The following HERC1 variants were observed in gnomAD, a reference collection of about 807,000 sequenced individuals.
The protein encoded by HERC1 is HECT and RLD domain containing E3 ubiquitin protein ligase family member 1.
In HERC1, 160 loss-of-function variants were observed where a neutral mutation model predicts 554.3. The observed-to-expected ratio is 0.29, with a 90% CI of 0.25 to 0.33. The LOEUF (loss-of-function observed/expected upper bound fraction) is 0.33, where lower values mean the gene tolerates loss of function less well. HERC1 is among the 10% of genes least tolerant of loss of function. The pLI, the probability that HERC1 is intolerant of heterozygous loss-of-function variation, is 1.00. For missense variants in HERC1, 4,919 were observed against 5,918.5 expected (o/e 0.83, Z 5.54); for synonymous variants, 2,175 against 2,131.7 (o/e 1.02, Z -0.56).
In HERC1 at chr15:63,775,199, T is replaced by C. The variant is rs2142998413; in HGVS notation, c.425A>G (p.Asp142Gly). Residue 142 changes from aspartate (D) to glycine (G), a missense_variant, in exon 2 of 78, where the codon GAT (aspartate) becomes GGT (glycine). Physicochemically the swap from Asp to Gly is moderately conservative, Grantham distance 94 (BLOSUM62 -1). Coordinates refer to ENST00000443617, the MANE Select transcript of HERC1 (RefSeq NM_003922.4). This position sits in a 1 kb window ranked among gnomAD's most constrained non-coding sequence, Gnocchi z 4.0. ...GGGGCGTTCACTAACAGAATGGACA[T>C]CTGCTGAACCAGAACTGCTCTCCGG... is the stretch of plus-strand genomic sequence containing the variant. The part of the protein sequence containing the change: ...HSPESSSGSA[D>G]VHSVSERPRS... 6.2e-7 allele frequency: 1 copy of C among 1,614,044 alleles called. No homozygotes were observed. Among genetic ancestry groups the C allele is most frequent in the Non-Finnish European group, 8.5e-7 (1 of 1,179,892 alleles).
At position 63,706,821 on chromosome 15, in the gene HERC1, C is replaced by T. The variant is rs1157873904; in HGVS notation, c.4595G>A (p.Arg1532Gln). 20 of 1,538,198 alleles carry T rather than the reference C, an allele frequency of 1.3e-5. No individual in the cohort carries two copies. In the East Asian group the frequency reaches 2.0e-4, roughly 15 times the overall value. Reference sequence around the variant, plus strand: ...TGCTGCCAAATCCAAATCAACATTTCGTCTGCCACTCTATTAAAAGTAAAA... The same window carrying T: ...TGCTGCCAAATCCAAATCAACATTTTGTCTGCCACTCTATTAAAAGTAAAA... ...DEEGYALSGR[R>Q]NVDLDLAASH... Residue 1532 changes from arginine to glutamine, a missense_variant, in exon 25 of 78, where the codon CGA becomes CAA. Physicochemically the swap from Arg to Gln is conservative, Grantham distance 43. This residue lies in a region of HERC1 where 1,121 missense variants were observed against 1,244.0 expected (regional missense o/e 0.90). Transcript: ENST00000443617.
At chr15:63,637,780 ATAACTATGCAGTCCCGTAACT>A (rs774325519) in intron 63 of HERC1, 137 bp from the exon 64 acceptor site, 344,442 of 726,158 alleles carry the variant, frequency 0.47, 86,058 homozygotes, top group Non-Finnish European at 0.54. Flanking sequence ...AAGAGTTGAT[ATAACTATGCAGTCCCGTAACT>A]CCTTGATGAC....
chr15:63,774,641 T>C, intron 2 of HERC1, 53 bp downstream of exon 2: 1 of 1,362,654 alleles, frequency 7.3e-7, no homozygotes, highest in Non-Finnish European at 1.0e-6. Context: ...AAAACTGCAT[T>C]GACTTTTCCA....
intron 4 of HERC1, among the ~76,000 whole-genome samples, chr15:63,757,836 A>C (rs1567094350): frequency 6.6e-6 from 1 of 152,082 alleles, no homozygotes; most frequent in Non-Finnish European, 1.5e-5. Context: ...CAGCCTCCCG[A>C]GTAGCTGGGA....
At position 63,678,175 on chromosome 15, in the gene HERC1, C is replaced by G. The variant is rs762539051; in HGVS notation, c.6740G>C (p.Cys2247Ser). ...TAGCTTCTGACCTGACTCTTTAATA[C>G]ATATCTTAATTTTGTGAAGCCTTTC... The part of the protein sequence containing the change: ...MMERLHKIKI[C>S]IKESGQKLKK... The change falls in exon 37 of 78, where the codon TGT (cysteine) becomes TCT (serine). Residue 2247 changes from cysteine to serine, a missense_variant. Transcript: ENST00000443617. 7 of 1,613,078 alleles carry G rather than the reference C, an allele frequency of 4.3e-6. No individual in the cohort carries two copies. The highest frequency in any genetic ancestry group is 1.3e-5 in the African/African-American group (1 of 74,850).
chr15:63,646,577 G>A (rs1224050191), intron 55 of HERC1, among the ~76,000 whole-genome samples: 5 of 151,596 alleles, frequency 3.3e-5, no homozygotes, highest in African/African-American at 1.2e-4. Context: ...CGAGGTGGGC[G>A]GATCATGAAG....
chr15:63,710,050 G>T (rs999214923), intron 24 of HERC1, among the ~76,000 whole-genome samples: 7 of 152,208 alleles, frequency 4.6e-5, no homozygotes, highest in Non-Finnish European at 1.5e-5. Flanking sequence ...TCTGGCAGAT[G>T]AACTACTATG....
In HERC1 at chr15:63,615,850, T is replaced by C. The variant is rs374739089; in HGVS notation, c.14012A>G (p.Asn4671Ser). ...GKMVPIIPGG[N>S]SIPLTFSNRK... ...GTTGGAAAATGTGAGTGGGATACTA[T>C]TTCCACCAGGGATTATAGGAACCAT... The change falls in exon 76 of 78, where the codon AAT (asparagine) becomes AGT (serine). Residue 4671 changes from asparagine to serine, a missense_variant. Physicochemically the swap from Asn to Ser is conservative, Grantham distance 46. Transcript: ENST00000443617. The C allele has an allele frequency of 6.2e-6, 10 of 1,607,572 alleles. No homozygotes were observed. The highest frequency in any genetic ancestry group is 7.6e-6 in the Non-Finnish European group (9 of 1,177,454).
chr15:63,728,846 CTG>C (rs1336259330), intron 16 of HERC1, among the ~76,000 whole-genome samples: 2 of 149,682 alleles, frequency 1.3e-5, no homozygotes, highest in Non-Finnish European at 3.0e-5. Flanking sequence ...GAAAAAAGGA[CTG>C]TGACTACACA....
Position 63,660,330 on chromosome 15 carries a change from A to G in HERC1, c.9224-394T>C, listed in dbSNP as rs556407939. Among the ~76,000 whole-genome samples, 171 of 150,388 alleles carry G rather than the reference A, an allele frequency of 1.1e-3. 1 individual carries two copies. Among genetic ancestry groups the G allele is most frequent in the African/African-American group, 4.2e-3 (169 of 40,570 alleles). ...GTGAGACTCCATCTCAAAGAAATAA[A>G]AACAATAAATAAATAAATAAATACA... On this transcript the variant is annotated intron_variant, in intron 46 of 77. Coordinates refer to ENST00000443617, the MANE Select transcript of HERC1 (RefSeq NM_003922.4).
At chr15:63,620,431 G>A (rs918344591) in intron 74 of HERC1, among the ~76,000 whole-genome samples, 5 of 151,938 alleles carry the variant, frequency 3.3e-5, no homozygotes, top group Admixed American at 2.0e-4. Flanking sequence ...GTCAATTTTG[G>A]AATAGGTGTG....
chr15:63,774,846 A>C lies in HERC1; in HGVS notation c.778T>G (p.Ser260Ala). 6.2e-7 allele frequency: 1 copy of C among 1,614,022 alleles called. No homozygotes were observed. The highest frequency in any genetic ancestry group is 8.5e-7 in the Non-Finnish European group (1 of 1,179,896). Reference sequence around the variant, plus strand: ...ATCCATTCAAGAAGATATCGCAATGAGCCTCGTTGAGCTGCCAAACCAAGC... The same window carrying C: ...ATCCATTCAAGAAGATATCGCAATGCGCCTCGTTGAGCTGCCAAACCAAGC... ...LLLGLAAQRGSLRYLLEWIEM... is the reference protein window; with the variant it reads ...LLLGLAAQRGALRYLLEWIEM... Residue 260 changes from serine to alanine, a missense_variant, in exon 2 of 78, where the codon TCA (serine) becomes GCA (alanine). Physicochemically the swap from Ser to Ala is moderately conservative, Grantham distance 99. This residue lies in a region of HERC1 where 744 missense variants were observed against 1,090.0 expected (regional missense o/e 0.68). Transcript: ENST00000443617.
intron 74 of HERC1, among the ~76,000 whole-genome samples, chr15:63,620,100 C>T (rs971383620): frequency 2.0e-5 from 3 of 151,640 alleles, no homozygotes; most frequent in Admixed American, 2.0e-4. Context: ...TGTCAATTTT[C>T]GATCTTTCCT....
chr15:63,791,627 A>G (rs541139820), intron 1 of HERC1, among the ~76,000 whole-genome samples: 37 of 152,296 alleles, frequency 2.4e-4, no homozygotes, highest in African/African-American at 8.2e-4. Context: ...GTAAAAAACA[A>G]TTCTTCGAGG....
chr15:63,666,534 T>A, intron 40 of HERC1, 62 bp from the exon 41 acceptor site: 2 of 1,047,274 alleles, frequency 1.9e-6, no homozygotes, highest in Non-Finnish European at 2.9e-6. Context: ...GTAAAAAGTG[T>A]CTTCATAGTC....
At position 63,753,011 on chromosome 15, in the gene HERC1, G is replaced by A; in HGVS notation, c.1849C>T (p.Arg617Cys). ...GACTGGCTCCCAGCACAAACTTTGCGAATGAACATTCCTTGTAAAGCTTCA... is the reference window on the plus strand; with the variant it reads ...GACTGGCTCCCAGCACAAACTTTGCAAATGAACATTCCTTGTAAAGCTTCA... ...VIEALQGMFI[R>C]KVCAGSQSSL... The change falls in exon 8 of 78, where the codon CGC becomes TGC. Residue 617 changes from arginine to cysteine, a missense_variant. Arg to Cys is a radical substitution (Grantham distance 180, BLOSUM62 -3). This residue lies in a region of HERC1 where 744 missense variants were observed against 1,090.0 expected (regional missense o/e 0.68). Transcript: ENST00000443617. The A allele has an allele frequency of 3.1e-6, 5 of 1,613,486 alleles. No individual in the cohort carries two copies. The highest frequency in any genetic ancestry group is 4.2e-6 in the Non-Finnish European group (5 of 1,179,618).
At position 63,689,606 on chromosome 15, in the gene HERC1, G is replaced by C. The variant is rs181018117; in HGVS notation, c.6031C>G (p.Gln2011Glu). 6.4e-6 allele frequency: 10 copies of C among 1,553,980 alleles called. No homozygotes were observed. The highest frequency in any genetic ancestry group is 1.9e-5 in the Admixed American group (1 of 51,978). Residue 2011 changes from glutamine (Q) to glutamate (E), a missense_variant, in exon 33 of 78, where the codon CAA becomes GAA. Transcript: ENST00000443617. ...KHAIQIKEKE[Q>E]EIKLQKQGEL... ...CCAATTACCTGTAGTTTTATTTCTT[G>C]TTCTTTTTCCTTTATCTGAATAGCA...
At chr15:63,737,710 CTTTCCCCACATCAG>C (rs2074609759) in intron 12 of HERC1, among the ~76,000 whole-genome samples, 1 of 151,306 alleles carries the variant, frequency 6.6e-6, no homozygotes, top group Non-Finnish European at 1.5e-5. Flanking sequence ...AAGGTTATGA[CTTTCCCCACATCAG>C]TTCATATCAT....
At chr15:63,663,267 A>G (rs2070447208) in intron 43 of HERC1, 63 bp from the exon 44 acceptor site, 1 of 1,386,058 alleles carries the variant, frequency 7.2e-7, no homozygotes, top group East Asian at 2.3e-5. Context: ...ATATTTCGCC[A>G]GTTCTTAACT....
Sources: allele counts gnomAD v4.1 joint callset (sites outside exome capture counted in the v4.1 genomes callset), GRCh38; gene constraint gnomAD v4.1.1; regional missense constraint gnomAD v4.1.1; non-coding constraint Gnocchi (gnomAD v3.1); transcripts MANE v1.5; gene names NCBI Gene and HGNC (gene_info 2026-07-23, HGNC 2026-07-21).